Variants in ABCC4 observed in about 807,000 individuals in gnomAD.
ABCC4 encodes the protein ATP-binding cassette sub-family C member 4.
Under a neutral mutation model 168.5 loss-of-function variants are expected in ABCC4, and 102 were observed. The observed-to-expected ratio is 0.61, with a 90% CI of 0.52 to 0.71. The LOEUF (loss-of-function observed/expected upper bound fraction) is 0.71. Ranked by LOEUF, ABCC4 falls within the 30% of genes least tolerant of loss-of-function variation. The pLI, the probability that ABCC4 is intolerant of heterozygous loss-of-function variation, is 0.00. For synonymous variants in ABCC4, 617 were observed against 590.7 expected (o/e 1.04, Z -0.65); for missense variants, 1,402 against 1,605.8 (o/e 0.87, Z 2.17).
At chr13:95,247,419 G>A (rs527922384) in intron 2 of ABCC4, among the ~76,000 whole-genome samples, 8 of 152,238 alleles carry the variant, frequency 5.3e-5, no homozygotes, top group African/African-American at 1.2e-4. Flanking sequence ...CAGGCATCTC[G>A]GGCCTTTGGT....
intron 19 of ABCC4, among the ~76,000 whole-genome samples, chr13:95,150,320 G>GT (rs1473085390): frequency 2.6e-5 from 4 of 152,154 alleles, no homozygotes; most frequent in African/African-American, 9.7e-5. Flanking sequence ...ACCAGAACAA[G>GT]TCTAAGACAG....
intron 19 of ABCC4, among the ~76,000 whole-genome samples, chr13:95,160,547 G>A (rs918314116): frequency 6.6e-6 from 1 of 152,156 alleles, no homozygotes; most frequent in Non-Finnish European, 1.5e-5. Context: ...CTATATGGCA[G>A]GTTCAACAAA....
chr13:95,072,857 A>G (rs1456972601), intron 24 of ABCC4, among the ~76,000 whole-genome samples: 1 of 152,202 alleles, frequency 6.6e-6, no homozygotes, highest in Non-Finnish European at 1.5e-5. Flanking sequence ...TCTTCTTTTA[A>G]CAGGAATGAG....
At chr13:95,169,627 C>T (rs1319326577) in intron 14 of ABCC4, among the ~76,000 whole-genome samples, 6 of 152,132 alleles carry the variant, frequency 3.9e-5, no homozygotes, top group Non-Finnish European at 5.9e-5. Context: ...CAAGTCCCAG[C>T]GAGGCAACCC....
chr13:95,039,323 A>C (rs556270317), intron 29 of ABCC4, among the ~76,000 whole-genome samples: 7 of 152,356 alleles, frequency 4.6e-5, no homozygotes, highest in African/African-American at 1.4e-4. Flanking sequence ...CAGATTTCAG[A>C]TTAGGGGACT....
At chr13:95,292,826 G>A (rs537193859) in intron 1 of ABCC4, among the ~76,000 whole-genome samples, 18 of 152,292 alleles carry the variant, frequency 1.2e-4, no homozygotes, top group Middle Eastern at 6.8e-3. Context: ...AGACCAGCAC[G>A]GAAGTGGTCA....
chr13:95,240,749 T>C (rs1251437207), intron 3 of ABCC4, among the ~76,000 whole-genome samples: 1 of 150,358 alleles, frequency 6.7e-6, no homozygotes, highest in East Asian at 2.0e-4. Context: ...GGCAGACGAA[T>C]CACTTGAGGT....
intron 1 of ABCC4, among the ~76,000 whole-genome samples, chr13:95,256,551 T>C (rs1225873716): frequency 6.6e-6 from 1 of 152,122 alleles, no homozygotes; most frequent in Non-Finnish European, 1.5e-5. Flanking sequence ...AGCCCAGTAG[T>C]TTGACACCAG....
rs370348158 is a variant in ABCC4, at chr13:95,034,631, C to T, written c.3844G>A (p.Ala1282Thr). 3.0e-5 allele frequency: 48 copies of T among 1,613,992 alleles called. No homozygotes were observed. In the African/African-American group the frequency reaches 4.4e-4, roughly 15 times the overall value. ...MVQQLGKAEA[A>T]ALTETAKQVY... ...TGTTTTGCTGTTTCAGTGAGGGCAG[C>T]GGCTTCTGCCTTGCCCAGTTGTTGC... Residue 1282 changes from alanine to threonine, a missense_variant, in exon 30 of 31, where the codon GCT becomes ACT. Coordinates refer to ENST00000645237, the MANE Select transcript of ABCC4 (RefSeq NM_005845.5).
chr13:95,267,904 A>T (rs2040727200), intron 1 of ABCC4, among the ~76,000 whole-genome samples: 1 of 152,172 alleles, frequency 6.6e-6, no homozygotes, highest in Non-Finnish European at 1.5e-5. Flanking sequence ...TCAATCCCAC[A>T]GCCAATGAGC....
At chr13:95,142,916 G>A (rs2036367945) in intron 19 of ABCC4, among the ~76,000 whole-genome samples, 1 of 151,998 alleles carries the variant, frequency 6.6e-6, no homozygotes, top group South Asian at 2.1e-4. Context: ...ATAAGAAGAA[G>A]AAACAAGGAA....
chr13:95,212,291 G>A (rs1332404928), intron 4 of ABCC4, among the ~76,000 whole-genome samples: 3 of 152,064 alleles, frequency 2.0e-5, no homozygotes, highest in Admixed American at 6.6e-5. Context: ...AGACCAGCCC[G>A]CCCCTGTAGG....
intron 14 of ABCC4, among the ~76,000 whole-genome samples, chr13:95,167,645 T>C (rs1416917781): frequency 6.6e-6 from 1 of 152,142 alleles, no homozygotes; most frequent in East Asian, 1.9e-4. Flanking sequence ...GTGACACACC[T>C]AGTTTGATAA....
intron 9 of ABCC4, among the ~76,000 whole-genome samples, chr13:95,189,558 TAATGGATGACTTGA>T (rs1416397074): frequency 1.3e-5 from 2 of 152,206 alleles, no homozygotes; most frequent in South Asian, 4.1e-4. Context: ...AGTCCTTGGC[TAATGGATGACTTGA>T]AATCTCCACT....
chr13:95,182,667 G>A (rs1040556426), intron 11 of ABCC4, among the ~76,000 whole-genome samples: 1 of 152,128 alleles, frequency 6.6e-6, no homozygotes, highest in South Asian at 2.1e-4. Flanking sequence ...AGCCTATGAG[G>A]TGAATAGTTT....
At chr13:95,139,810 A>T (rs977142090) in intron 19 of ABCC4, among the ~76,000 whole-genome samples, 4 of 152,202 alleles carry the variant, frequency 2.6e-5, no homozygotes, top group African/African-American at 7.2e-5. Flanking sequence ...GAAAAAATTT[A>T]AAAAAGCAAC....
intron 27 of ABCC4, among the ~76,000 whole-genome samples, chr13:95,049,732 C>T (rs1054219084): frequency 4.6e-5 from 7 of 151,990 alleles, no homozygotes; most frequent in South Asian, 4.2e-4. Context: ...TCCAGATGCC[C>T]GAACTTCTTT....
intron 20 of ABCC4, among the ~76,000 whole-genome samples, chr13:95,104,901 C>T (rs527714343): frequency 6.6e-6 from 1 of 152,270 alleles, no homozygotes; most frequent in East Asian, 1.9e-4. Flanking sequence ...ACCTTTTTGG[C>T]ACCAGGGACT....
intron 15 of ABCC4, among the ~76,000 whole-genome samples, chr13:95,165,271 G>GT (rs1424605441): frequency 6.6e-6 from 1 of 152,214 alleles, no homozygotes; most frequent in East Asian, 1.9e-4. Flanking sequence ...GGGTCAAGCA[G>GT]TGAGTCTCAG....
Sources: gnomAD v4.1 joint callset for allele counts (sites outside exome capture counted in the v4.1 genomes callset) on GRCh38, gnomAD v4.1.1 for gene constraint, MANE v1.5 for transcripts, NCBI Gene and HGNC (gene_info 2026-07-23, HGNC 2026-07-21) for gene names.